ANK2: variants seen among roughly 807,000 people sequenced by gnomAD.
ANK2 encodes ankyrin 2.
In ANK2, 83 loss-of-function variants were observed where a neutral mutation model predicts 360.5. That is an observed-to-expected ratio of 0.23 (90% CI 0.19 to 0.28). The LOEUF (loss-of-function observed/expected upper bound fraction) is 0.28, where lower values mean the gene tolerates loss of function less well. Among genes scored for constraint, ANK2 ranks in the 10% least tolerant of loss-of-function variants. The pLI is 1.00. For synonymous variants in ANK2, 1,740 were observed against 1,759.5 expected (o/e 0.99, Z 0.28); for missense variants, 4,201 against 4,795.7 (o/e 0.88, Z 3.66).
At chr4:113,135,206 G>A (rs1020738233) in intron 1 of ANK2, among the ~76,000 whole-genome samples, 8 of 152,084 alleles carry the variant, frequency 5.3e-5, no homozygotes, top group African/African-American at 1.9e-4. Flanking sequence ...TTGCTTTGAA[G>A]GTAAGACATG....
intron 1 of ANK2, among the ~76,000 whole-genome samples, chr4:113,163,224 A>G (rs750280883): frequency 8.5e-5 from 13 of 152,122 alleles, no homozygotes; most frequent in Non-Finnish European, 1.5e-4. Flanking sequence ...GCCTTTATAT[A>G]TATCTTTCAG....
intron 1 of ANK2, among the ~76,000 whole-genome samples, chr4:113,063,047 A>G (rs1258597402): frequency 6.6e-6 from 1 of 152,102 alleles, no homozygotes; most frequent in African/African-American, 2.4e-5. Context: ...TTCATGTTCC[A>G]CAGCGTAATA....
At chr4:112,936,718 A>G (rs1447491271) in intron 2 of ANK2, among the ~76,000 whole-genome samples, 1 of 151,884 alleles carries the variant, frequency 6.6e-6, no homozygotes, top group East Asian at 1.9e-4. Context: ...TTTCACCAAG[A>G]TGGAGGTCAA....
intron 2 of ANK2, among the ~76,000 whole-genome samples, chr4:113,020,601 G>T (rs1335548708): frequency 6.6e-6 from 1 of 152,192 alleles, no homozygotes; most frequent in African/African-American, 2.4e-5. Context: ...ACCGAGGTGG[G>T]TGGATCTCTT....
intron 1 of ANK2, among the ~76,000 whole-genome samples, chr4:113,067,585 G>GTAA (rs1216866408): frequency 6.6e-6 from 1 of 152,134 alleles, no homozygotes; most frequent in African/African-American, 2.4e-5. Flanking sequence ...GAAATCACGA[G>GTAA]TAATAAAATC....
chr4:112,871,687 G>A (rs2073098110), intron 1 of ANK2, among the ~76,000 whole-genome samples: 1 of 151,948 alleles, frequency 6.6e-6, no homozygotes, highest in Admixed American at 6.6e-5. Context: ...TCTCTTTTTT[G>A]AAAACGTTCA....
At chr4:112,996,379 A>G (rs983260362) in intron 2 of ANK2, among the ~76,000 whole-genome samples, 13 of 152,314 alleles carry the variant, frequency 8.5e-5, no homozygotes, top group African/African-American at 3.1e-4. Context: ...ATCAAATAGT[A>G]CACTTTAAAT....
At chr4:112,767,487 G>C in the ANK2 span, among the ~76,000 whole-genome samples, 2 of 152,124 alleles carry the variant, frequency 1.3e-5, no homozygotes, top group African/African-American at 4.8e-5. Flanking sequence ...CTTGAATGCA[G>C]GAGATCAAGG....
the ANK2 span, among the ~76,000 whole-genome samples, chr4:112,768,055 T>G: frequency 1.3e-5 from 2 of 152,142 alleles, no homozygotes; most frequent in Admixed American, 6.5e-5. Context: ...GAAGACGAAG[T>G]TGATATGCAA....
intron 2 of ANK2, among the ~76,000 whole-genome samples, chr4:113,028,463 G>A (rs997795293): frequency 6.6e-5 from 10 of 152,132 alleles, no homozygotes; most frequent in Admixed American, 2.6e-4. Flanking sequence ...ACTACGCAAA[G>A]GTGACTGTTT....
chr4:112,831,941 C>CA (rs1579259086), intron 1 of ANK2, among the ~76,000 whole-genome samples: 2 of 152,150 alleles, frequency 1.3e-5, no homozygotes, highest in Non-Finnish European at 2.9e-5. Context: ...GGAAGAAACT[C>CA]TGGACACATC....
chr4:113,058,666 G>A (rs2071423732), intron 1 of ANK2, among the ~76,000 whole-genome samples: 1 of 151,930 alleles, frequency 6.6e-6, no homozygotes, highest in Non-Finnish European at 1.5e-5. Flanking sequence ...TTACTCCATA[G>A]CACTGTCTTG....
chr4:112,705,676 G>A, the ANK2 span, among the ~76,000 whole-genome samples: 2 of 152,326 alleles, frequency 1.3e-5, no homozygotes, highest in Middle Eastern at 3.4e-3. Flanking sequence ...CCCACCTCCC[G>A]AACTCCGGCA....
At chr4:113,140,238 T>C (rs901145868) in intron 1 of ANK2, among the ~76,000 whole-genome samples, 72 of 152,342 alleles carry the variant, frequency 4.7e-4, no homozygotes, top group African/African-American at 1.7e-3. Flanking sequence ...TGGATTCATG[T>C]GACTATGTCG....
chr4:113,115,606 TAGGTAAA>T (rs2094686358), intron 1 of ANK2, among the ~76,000 whole-genome samples: 1 of 152,206 alleles, frequency 6.6e-6, no homozygotes, highest in Non-Finnish European at 1.5e-5. Context: ...CAACTCAGTT[TAGGTAAA>T]AGGAAAAATG....
At chr4:113,232,300 A>C in intron 5 of ANK2, 41 bp downstream of exon 5, 1 of 1,408,854 alleles carries the variant, frequency 7.1e-7, no homozygotes, top group East Asian at 2.3e-5. Flanking sequence ...CTTTGATCTT[A>C]ATGTCCATAT....
At chr4:113,106,637 C>G (rs2093659102) in intron 1 of ANK2, among the ~76,000 whole-genome samples, 1 of 152,142 alleles carries the variant, frequency 6.6e-6, no homozygotes, top group African/African-American at 2.4e-5. Context: ...ATTTTGTCTT[C>G]AATTGTAACT....
chr4:112,763,219 C>T, the ANK2 span, among the ~76,000 whole-genome samples: 3 of 145,818 alleles, frequency 2.1e-5, no homozygotes, highest in East Asian at 6.2e-4. Context: ...GCCACCACAC[C>T]TGGCTAATTT....
At chr4:113,363,994 T>C (rs1564103488) in intron 40 of ANK2, among the ~76,000 whole-genome samples, 1 of 152,282 alleles carries the variant, frequency 6.6e-6, no homozygotes, top group East Asian at 1.9e-4. Context: ...TCCATGGTAA[T>C]TACACAAATG....
Sources: allele counts gnomAD v4.1 joint callset (sites outside exome capture counted in the v4.1 genomes callset), GRCh38; gene constraint gnomAD v4.1.1; transcripts MANE v1.5; gene names NCBI Gene and HGNC (gene_info 2026-07-23, HGNC 2026-07-21).